The following NAV2 variants were observed in gnomAD, a reference collection of about 807,000 sequenced individuals.
The protein encoded by NAV2 is neuron navigator 2.
In NAV2, 54 loss-of-function variants were observed where a neutral mutation model predicts 223.2. That is an observed-to-expected ratio of 0.24 (90% confidence interval 0.19 to 0.30). NAV2 has a LOEUF of 0.30. Ranked by LOEUF, NAV2 falls within the 10% of genes least tolerant of loss-of-function variation. The pLI is 1.00. For synonymous variants in NAV2, 1,279 were observed against 1,239.3 expected (o/e 1.03, Z -0.67); for missense variants, 2,806 against 3,147.5 (o/e 0.89, Z 2.60).
At chr11:19,456,683 A>G (rs767380959) in intron 1 of NAV2, among the ~76,000 whole-genome samples, 6 of 152,220 alleles carry the variant, frequency 3.9e-5, no homozygotes, top group Non-Finnish European at 7.3e-5. Flanking sequence ...TTGGAGAACA[A>G]ATAAATAACA....
chr11:19,544,251 ACT>A (rs1048719741), intron 1 of NAV2, among the ~76,000 whole-genome samples: 3 of 152,160 alleles, frequency 2.0e-5, no homozygotes, highest in Non-Finnish European at 4.4e-5. Flanking sequence ...TTGGTCCTAG[ACT>A]CTCTTGACTC....
At chr11:19,972,539 A>G (rs1411490058) in intron 10 of NAV2, among the ~76,000 whole-genome samples, 1 of 152,194 alleles carries the variant, frequency 6.6e-6, no homozygotes, top group Non-Finnish European at 1.5e-5. Flanking sequence ...CCTGGTAGAA[A>G]CTTAGCATAG....
chr11:19,596,957 G>A (rs1164048236), intron 1 of NAV2, among the ~76,000 whole-genome samples: 3 of 152,204 alleles, frequency 2.0e-5, no homozygotes. Context: ...AGCTAAACAA[G>A]CTCACCAGGA....
intron 1 of NAV2, among the ~76,000 whole-genome samples, chr11:19,442,748 G>T (rs946225563): frequency 1.3e-5 from 2 of 152,156 alleles, no homozygotes; most frequent in East Asian, 1.9e-4. Flanking sequence ...TGGCTGCCTT[G>T]GCCCTAGAGT....
chr11:19,636,191 T>G (rs1359436718), intron 1 of NAV2, among the ~76,000 whole-genome samples: 1 of 152,228 alleles, frequency 6.6e-6, no homozygotes, highest in Non-Finnish European at 1.5e-5. Flanking sequence ...TGTCTTTTAT[T>G]CTGTTCCCCA....
At chr11:20,064,657 C>G (rs917378141) in intron 20 of NAV2, among the ~76,000 whole-genome samples, 1 of 152,192 alleles carries the variant, frequency 6.6e-6, no homozygotes, top group African/African-American at 2.4e-5. Flanking sequence ...GTAAAAGACT[C>G]TCCTTCAGTA....
intron 10 of NAV2, among the ~76,000 whole-genome samples, chr11:19,977,143 C>T (rs542884200): frequency 6.6e-6 from 1 of 152,350 alleles, no homozygotes; most frequent in Admixed American, 6.5e-5. Context: ...TTGTTGGAAG[C>T]ATTCCCCCAA....
intron 1 of NAV2, among the ~76,000 whole-genome samples, chr11:19,622,904 G>T (rs573982508): frequency 6.6e-6 from 1 of 152,134 alleles, no homozygotes; most frequent in Non-Finnish European, 1.5e-5. Context: ...GGTGGGTACC[G>T]GTTGTTCCTT....
chr11:19,762,996 T>C (rs1265705251), intron 1 of NAV2, among the ~76,000 whole-genome samples: 4 of 152,310 alleles, frequency 2.6e-5, no homozygotes, highest in South Asian at 2.1e-4. Context: ...CATATTTTCC[T>C]TCATACTTCT....
chr11:19,637,918 C>T (rs999782825), intron 1 of NAV2, among the ~76,000 whole-genome samples: 1 of 152,232 alleles, frequency 6.6e-6, no homozygotes, highest in Non-Finnish European at 1.5e-5. Context: ...CAGGTATCTT[C>T]TTAGGGTAGG....
rs760586623 is a variant in NAV2, at chr11:19,933,354, G to A, written c.1110G>A (p.Thr370=). The A allele has an allele frequency of 1.2e-5, 20 of 1,604,702 alleles. No homozygotes were observed. Among genetic ancestry groups the A allele is most frequent in the Admixed American group, 1.0e-4 (6 of 58,776 alleles). ...CCCTCAGCGTGAAGCACAGTGCCAC[G>A]GTATCCATGCTCTCGGTCAAGCCTC... is the stretch of plus-strand genomic sequence containing the variant. The part of the protein sequence containing the change: ...SKSLSVKHSA[T]VSMLSVKPPG... Residue 370 remains threonine (T), a synonymous_variant, in exon 7 of 38, where the codon ACG becomes ACA. Coordinates refer to ENST00000349880, the MANE Select transcript of NAV2 (RefSeq NM_145117.5). This position sits in a 1 kb window ranked among gnomAD's most constrained non-coding sequence, Gnocchi z 4.3.
chr11:19,450,531 A>G (rs1040389696), intron 1 of NAV2, among the ~76,000 whole-genome samples: 4 of 152,200 alleles, frequency 2.6e-5, no homozygotes, highest in Non-Finnish European at 4.4e-5. Flanking sequence ...AAATCCATTA[A>G]TGGCTTATTC....
chr11:19,368,974 C>T (rs1848381318), intron 1 of NAV2, among the ~76,000 whole-genome samples: 1 of 152,194 alleles, frequency 6.6e-6, no homozygotes, highest in African/African-American at 2.4e-5. Flanking sequence ...CTCTTTCTTT[C>T]TCCAAGTTTG....
intron 1 of NAV2, among the ~76,000 whole-genome samples, chr11:19,417,276 T>C (rs1362730299): frequency 6.6e-6 from 1 of 152,104 alleles, no homozygotes; most frequent in East Asian, 1.9e-4. Flanking sequence ...CATCAAAAAG[T>C]GGGCAAAGGA....
At chr11:19,679,335 G>C (rs1024866795) in intron 1 of NAV2, among the ~76,000 whole-genome samples, 1 of 149,772 alleles carries the variant, frequency 6.7e-6, no homozygotes, top group Non-Finnish European at 1.5e-5. Context: ...GGAGGCTGAG[G>C]CAGGAGAATC....
At chr11:20,015,937 G>A (rs146923078) in intron 11 of NAV2, among the ~76,000 whole-genome samples, 1 of 152,288 alleles carries the variant, frequency 6.6e-6, no homozygotes, top group East Asian at 1.9e-4. Context: ...CTCTAATGCC[G>A]TGTCACGGAA....
intron 11 of NAV2, among the ~76,000 whole-genome samples, chr11:20,014,356 A>G (rs1214707892): frequency 1.2e-4 from 19 of 152,220 alleles, no homozygotes; most frequent in Non-Finnish European, 2.2e-4. Flanking sequence ...GTGCAGCTGC[A>G]AAAATAAACA....
intron 11 of NAV2, among the ~76,000 whole-genome samples, chr11:20,019,717 C>A (rs2153529361): frequency 6.6e-6 from 1 of 151,966 alleles, no homozygotes; most frequent in Admixed American, 6.6e-5. Context: ...AGGTAGGAAC[C>A]AGGTACAGAT....
chr11:19,804,769 A>G (rs1393217860), intron 1 of NAV2, among the ~76,000 whole-genome samples: 1 of 152,266 alleles, frequency 6.6e-6, no homozygotes, highest in Non-Finnish European at 1.5e-5. Flanking sequence ...AGAATTTAAC[A>G]TGTGAAATAG....
Sources: allele counts gnomAD v4.1 joint callset (sites outside exome capture counted in the v4.1 genomes callset), GRCh38; gene constraint gnomAD v4.1.1; non-coding constraint Gnocchi (gnomAD v3.1); transcripts MANE v1.5; gene names NCBI Gene and HGNC (gene_info 2026-07-23, HGNC 2026-07-21).